LRRC7: variants seen among roughly 807,000 people sequenced by gnomAD.
The protein encoded by LRRC7 is leucine rich repeat containing 7.
A neutral mutation model predicts 175.7 loss-of-function variants in LRRC7; 23 were observed. That is an observed-to-expected ratio of 0.13 (90% CI 0.09 to 0.19). LRRC7 has a LOEUF of 0.19. Ranked by LOEUF, LRRC7 falls within the 10% of genes least tolerant of loss-of-function variation. The probability of loss-of-function intolerance (pLI) is 1.00; values close to 1 mark genes in which losing one functional copy is unlikely to be tolerated. For missense variants in LRRC7, 1,354 were observed against 1,904.7 expected (o/e 0.71, Z 5.38); for synonymous variants, 685 against 680.9 (o/e 1.01, Z -0.09).
intron 2 of LRRC7, among the ~76,000 whole-genome samples, chr1:69,685,529 T>G (rs1418907139): frequency 6.6e-6 from 1 of 151,544 alleles, no homozygotes. Flanking sequence ...AAAAAAGAAG[T>G]TATAAAAAAG....
chr1:69,616,953 C>T (rs562936627), intron 1 of LRRC7, among the ~76,000 whole-genome samples: 1 of 152,134 alleles, frequency 6.6e-6, no homozygotes, highest in East Asian at 1.9e-4. Context: ...AGAACTTGTG[C>T]CTAACTTTAT....
At chr1:70,095,230 C>A (rs892748979) in intron 25 of LRRC7, among the ~76,000 whole-genome samples, 10 of 152,020 alleles carry the variant, frequency 6.6e-5, no homozygotes, top group Non-Finnish European at 1.2e-4. Flanking sequence ...GTACTTCAGA[C>A]TAAATTTAGG....
intron 1 of LRRC7, among the ~76,000 whole-genome samples, chr1:69,638,353 C>T (rs56666404): frequency 0.17 from 25,327 of 151,606 alleles, 2,371 homozygotes; most frequent in East Asian, 0.36. Flanking sequence ...CTGTTTGATA[C>T]GTCATGATCA....
chr1:70,050,886 G>A (rs1448689668), intron 22 of LRRC7, among the ~76,000 whole-genome samples: 2 of 151,832 alleles, frequency 1.3e-5, no homozygotes, highest in Admixed American at 1.3e-4. Flanking sequence ...TCTCATGCAA[G>A]AAAAACAAAA....
At chr1:70,066,000 C>T (rs1291150241) in intron 23 of LRRC7, among the ~76,000 whole-genome samples, 1 of 151,970 alleles carries the variant, frequency 6.6e-6, no homozygotes, top group African/African-American at 2.4e-5. Flanking sequence ...AGCATGGTTA[C>T]TTGACTCAGA....
intron 7 of LRRC7, among the ~76,000 whole-genome samples, chr1:69,884,331 A>G (rs1285704751): frequency 4.4e-5 from 4 of 91,848 alleles, no homozygotes; most frequent in East Asian, 4.6e-4. Flanking sequence ...GGTCCTTCAC[A>G]TCCCTTGTAA....
intron 1 of LRRC7, among the ~76,000 whole-genome samples, chr1:69,578,241 G>C (rs550456644): frequency 1.3e-5 from 2 of 150,860 alleles, no homozygotes; most frequent in Admixed American, 6.6e-5. Flanking sequence ...ACCACAATGA[G>C]ATACCATCTC....
At chr1:69,640,451 A>T (rs1570111498) in intron 1 of LRRC7, among the ~76,000 whole-genome samples, 2 of 151,826 alleles carry the variant, frequency 1.3e-5, no homozygotes, top group South Asian at 2.1e-4. Flanking sequence ...AGAATAATGA[A>T]TTAATAACTC....
rs1297833229 is a variant in LRRC7 at position 70,122,321 on chromosome 1, C to T, written c.*434C>T. On this transcript the variant is annotated 3_prime_UTR_variant, in exon 27 of 27. Coordinates refer to ENST00000651989, the MANE Select transcript of LRRC7 (RefSeq NM_001370785.2). Reference sequence around the variant, plus strand: ...TGTAATTCCCATAAAATATTTCTAGCACAAGGTATATGTTGGCATATATAC... The same window carrying T: ...TGTAATTCCCATAAAATATTTCTAGTACAAGGTATATGTTGGCATATATAC... 1 of 152,900 alleles carries T rather than the reference C, an allele frequency of 6.5e-6. No homozygotes were observed. Among genetic ancestry groups the T allele is most frequent in the African/African-American group, 2.4e-5 (1 of 41,372 alleles). 9.5% of individuals were successfully genotyped at this position (152,900 alleles called of 1,614,324 possible). A position where few individuals can be genotyped will look rare whatever the true frequency, so the allele number is the denominator to read the frequency against.
chr1:69,695,864 A>C (rs144604282), intron 2 of LRRC7, among the ~76,000 whole-genome samples: 1 of 152,344 alleles, frequency 6.6e-6, no homozygotes, highest in African/African-American at 2.4e-5. Flanking sequence ...GAATGAAGGA[A>C]GCTTAGCAGC....
At chr1:70,006,100 CCAA>C (rs1655971962) in intron 11 of LRRC7, among the ~76,000 whole-genome samples, 1 of 151,710 alleles carries the variant, frequency 6.6e-6, no homozygotes, top group Admixed American at 6.6e-5. Context: ...AAAATAGCCA[CCAA>C]CAAGGTCAGC....
chr1:69,691,441 G>A (rs185623318), intron 2 of LRRC7, among the ~76,000 whole-genome samples: 27 of 152,082 alleles, frequency 1.8e-4, no homozygotes, highest in Middle Eastern at 3.4e-3. Flanking sequence ...ATTAAGCACA[G>A]CATTTGGTAT....
intron 7 of LRRC7, among the ~76,000 whole-genome samples, chr1:69,850,176 G>C (rs1327754232): frequency 6.6e-6 from 1 of 151,814 alleles, no homozygotes; most frequent in Non-Finnish European, 1.5e-5. Flanking sequence ...AAGTTGTAAA[G>C]AAAGAGAAAA....
intron 6 of LRRC7, among the ~76,000 whole-genome samples, chr1:69,837,720 A>G (rs2101352027): frequency 6.6e-6 from 1 of 151,856 alleles, no homozygotes; most frequent in Admixed American, 6.6e-5. Context: ...AAAACATATG[A>G]AATTTAGAAG....
chr1:70,019,760 A>C (rs1657288362), intron 15 of LRRC7, among the ~76,000 whole-genome samples: 1 of 152,012 alleles, frequency 6.6e-6, no homozygotes, highest in East Asian at 1.9e-4. Flanking sequence ...TATTTTTATA[A>C]GTCAATAAAA....
chr1:69,603,852 C>G (rs1393132951), intron 1 of LRRC7, among the ~76,000 whole-genome samples: 3 of 151,930 alleles, frequency 2.0e-5, no homozygotes, highest in Non-Finnish European at 4.4e-5. Context: ...GCACAATAAC[C>G]ACTCCCGTTT....
chr1:69,731,603 G>A (rs943397700), intron 2 of LRRC7, among the ~76,000 whole-genome samples: 1 of 152,198 alleles, frequency 6.6e-6, no homozygotes, highest in African/African-American at 2.4e-5. Flanking sequence ...AATGTATTTA[G>A]ACATCCTCTT....
chr1:69,992,121 T>C (rs1301939842), intron 10 of LRRC7, among the ~76,000 whole-genome samples: 1 of 152,174 alleles, frequency 6.6e-6, no homozygotes. Context: ...TTTCATCATC[T>C]ATTAAGTGAT....
At chr1:69,599,898 CA>C (rs956979628) in intron 1 of LRRC7, among the ~76,000 whole-genome samples, 2 of 152,024 alleles carry the variant, frequency 1.3e-5, no homozygotes, top group African/African-American at 4.8e-5. Flanking sequence ...AGGAGGTCTG[CA>C]AAAAACGTTT....
Sources: gnomAD v4.1 joint callset for allele counts (sites outside exome capture counted in the v4.1 genomes callset) on GRCh38, gnomAD v4.1.1 for gene constraint, MANE v1.5 for transcripts, NCBI Gene and HGNC (gene_info 2026-07-23, HGNC 2026-07-21) for gene names.